The following KIF13A variants were observed in gnomAD, a reference collection of about 807,000 sequenced individuals.
KIF13A encodes the protein kinesin-like protein KIF13A.
A neutral mutation model predicts 212.2 loss-of-function variants in KIF13A; 79 were observed. The observed-to-expected ratio is 0.37, with a 90% CI of 0.31 to 0.45. KIF13A has a LOEUF of 0.45. Among genes scored for constraint, KIF13A ranks in the 20% least tolerant of loss-of-function variants. The pLI, the probability that KIF13A is intolerant of heterozygous loss-of-function variation, is 1.00. For synonymous variants in KIF13A, 789 were observed against 808.6 expected (o/e 0.98, Z 0.41); for missense variants, 1,901 against 2,209.0 (o/e 0.86, Z 2.79).
chr6:17,834,192 T>C lies in KIF13A; in HGVS notation c.1156-121A>G. 2 of 608,158 alleles carry C rather than the reference T, an allele frequency of 3.3e-6. No homozygotes were observed. The highest frequency in any genetic ancestry group is 3.2e-5 in the East Asian group (1 of 31,482). The allele number at this position is 608,158 out of a possible 1,614,324, so 37.7% of individuals were successfully genotyped here. A position where few individuals can be genotyped will look rare whatever the true frequency, so the allele number is the denominator to read the frequency against. ...GTCTGTTGGAAAAAATTAAGTTATA[T>C]GCTGTTAGGGTGGGTTTTTAACCTT... On this transcript the variant is annotated intron_variant, in intron 11 of 38. Coordinates refer to ENST00000259711, the MANE Select transcript of KIF13A (RefSeq NM_022113.6). This position sits in a 1 kb window ranked among gnomAD's most constrained non-coding sequence, Gnocchi z 4.0.
intron 2 of KIF13A, among the ~76,000 whole-genome samples, chr6:17,901,923 G>A (rs1199432447): frequency 6.6e-6 from 1 of 152,148 alleles, no homozygotes; most frequent in Non-Finnish European, 1.5e-5. Context: ...CTTGAACTCA[G>A]GAGGCAGAGG....
At chr6:17,766,485 G>C (rs920252273) in intron 38 of KIF13A, among the ~76,000 whole-genome samples, 2 of 152,070 alleles carry the variant, frequency 1.3e-5, no homozygotes, top group Non-Finnish European at 2.9e-5. Context: ...TGATCTGCCC[G>C]TCTCAGCCTC....
intron 3 of KIF13A, among the ~76,000 whole-genome samples, chr6:17,894,355 A>C (rs1384639791): frequency 6.6e-6 from 1 of 150,480 alleles, no homozygotes; most frequent in African/African-American, 2.4e-5. Context: ...CTAGTCTCAA[A>C]CAATCCTCCC....
rs935033387 is a variant in KIF13A at position 17,825,482 on chromosome 6, C to T, written c.1786+286G>A. The stretch of plus-strand genomic sequence containing the variant: ...TGAGAAATTTGGTAAGGAATTTTGT[C>T]AAAATCATTCAGTACTCTAGGCCCG... On this transcript the variant is annotated intron_variant, in intron 16 of 38. Coordinates refer to ENST00000259711, the MANE Select transcript of KIF13A (RefSeq NM_022113.6). The surrounding 1 kb of genome is among the most constrained non-coding windows in gnomAD (Gnocchi z 4.5). Among the ~76,000 whole-genome samples the T allele has an allele frequency of 6.6e-6, 1 of 152,040 alleles. No individual in the cohort carries two copies. Among genetic ancestry groups the T allele is most frequent in the Non-Finnish European group, 1.5e-5 (1 of 68,016 alleles).
At position 17,816,031 on chromosome 6, in the gene KIF13A, C is replaced by A. The variant is rs1467628638; in HGVS notation, c.2000+989G>T. Reference sequence around the variant, plus strand: ...CAAGCGATTCTCCTGCCTCAGCCTCCCAAGTAGCTGGGATTACAGGCGCCT... The same window carrying A: ...CAAGCGATTCTCCTGCCTCAGCCTCACAAGTAGCTGGGATTACAGGCGCCT... On this transcript the variant is annotated intron_variant, in intron 17 of 38. Coordinates refer to ENST00000259711, the MANE Select transcript of KIF13A (RefSeq NM_022113.6). The surrounding 1 kb of genome is among the most constrained non-coding windows in gnomAD (Gnocchi z 4.3). 6.6e-6 allele frequency among the ~76,000 whole-genome samples: 1 copy of A among 151,884 alleles called. No homozygotes were observed. Among genetic ancestry groups the A allele is most frequent in the Non-Finnish European group, 1.5e-5 (1 of 67,980 alleles).
chr6:17,792,930 C>T (rs578072174), intron 25 of KIF13A, among the ~76,000 whole-genome samples: 4 of 152,246 alleles, frequency 2.6e-5, no homozygotes, highest in South Asian at 2.1e-4. Flanking sequence ...GTTTTCTCCT[C>T]GGCACGATAG....
At chr6:17,905,080 C>T (rs12213256) in intron 2 of KIF13A, among the ~76,000 whole-genome samples, 15,944 of 152,290 alleles carry the variant, frequency 0.1, 1,161 homozygotes, top group African/African-American at 0.18. Context: ...TGCAGCCCAA[C>T]ACAAATTTGC....
At chr6:17,924,061 T>C (rs1031013780) in intron 2 of KIF13A, among the ~76,000 whole-genome samples, 1 of 152,204 alleles carries the variant, frequency 6.6e-6, no homozygotes, top group Non-Finnish European at 1.5e-5. Flanking sequence ...AGGTTAAAAA[T>C]ACATATGTAC....
chr6:17,920,100 T>C (rs1774919516), intron 2 of KIF13A, among the ~76,000 whole-genome samples: 1 of 152,164 alleles, frequency 6.6e-6, no homozygotes, highest in African/African-American at 2.4e-5. Flanking sequence ...TTACATGTAG[T>C]TTTCGTCCCA....
intron 38 of KIF13A, among the ~76,000 whole-genome samples, chr6:17,766,531 C>A (rs1473791289): frequency 2.0e-5 from 3 of 152,016 alleles, no homozygotes; most frequent in South Asian, 2.1e-4. Flanking sequence ...AGACACCGTG[C>A]CCGGCTAGGA....
rs1774875378 is a variant in KIF13A, at chr6:17,919,681, G to A, written c.147-21501C>T. Reference sequence around the variant, plus strand: ...GTTTTCCAGCACACACAGCAGATACGACAGCTAACAAGCAGGGCTGTGAGA... The same window carrying A: ...GTTTTCCAGCACACACAGCAGATACAACAGCTAACAAGCAGGGCTGTGAGA... On this transcript the variant is annotated intron_variant, in intron 2 of 38. Coordinates refer to ENST00000259711, the MANE Select transcript of KIF13A (RefSeq NM_022113.6). The surrounding 1 kb of genome is among the most constrained non-coding windows in gnomAD (Gnocchi z 4.1). Among the ~76,000 whole-genome samples the A allele has an allele frequency of 6.6e-6, 1 of 152,122 alleles. No homozygotes were observed.
At position 17,799,675 on chromosome 6, in the gene KIF13A, C is replaced by T. The variant is rs1762323998; in HGVS notation, c.2617-236G>A. Among the ~76,000 whole-genome samples the T allele has an allele frequency of 6.6e-6, 1 of 152,156 alleles. No homozygotes were observed. The highest frequency in any genetic ancestry group is 6.6e-5 in the Admixed American group (1 of 15,264). On this transcript the variant is annotated intron_variant, in intron 21 of 38. Transcript: ENST00000259711. This position sits in a 1 kb window ranked among gnomAD's most constrained non-coding sequence, Gnocchi z 4.4. ...AATACACACATTCCTGCAAAAGCTT[C>T]CTAATGACTGAGATGCAACCTTTAA... is the stretch of plus-strand genomic sequence containing the variant.
At chr6:17,943,957 T>C (rs1777165694) in intron 2 of KIF13A, among the ~76,000 whole-genome samples, 1 of 152,180 alleles carries the variant, frequency 6.6e-6, no homozygotes, top group Admixed American at 6.5e-5. Context: ...CTTATAACTT[T>C]TCTGCATCTA....
downstream of KIF13A, among the ~76,000 whole-genome samples, chr6:17,761,330 C>G (rs1020588332): frequency 6.6e-6 from 1 of 152,144 alleles, no homozygotes; most frequent in Non-Finnish European, 1.5e-5. Flanking sequence ...TCTTCCTGCT[C>G]TGGTCTCCCC....
At position 17,985,992 on chromosome 6, in the gene KIF13A, C is replaced by G. The variant is rs569427615; in HGVS notation, c.146+1062G>C. 5.3e-5 allele frequency among the ~76,000 whole-genome samples: 8 copies of G among 152,298 alleles called. No homozygotes were observed. The South Asian group carries it at 1.7e-3, about 32-fold the overall frequency. On this transcript the variant is annotated intron_variant, in intron 2 of 38. Coordinates refer to ENST00000259711, the MANE Select transcript of KIF13A (RefSeq NM_022113.6). Reference sequence around the variant, plus strand: ...TCATGATTTCTTTCCCCAAATTTGGCAAAACTGAGCTTGAACACCACACAT... The same window carrying G: ...TCATGATTTCTTTCCCCAAATTTGGGAAAACTGAGCTTGAACACCACACAT...
At chr6:17,841,896 C>T (rs374888071) in intron 9 of KIF13A, among the ~76,000 whole-genome samples, 4 of 151,708 alleles carry the variant, frequency 2.6e-5, no homozygotes, top group African/African-American at 7.3e-5. Context: ...GAAAGTTCAA[C>T]GTCTGAAAGG....
chr6:17,881,140 C>G (rs1038514627), intron 3 of KIF13A, among the ~76,000 whole-genome samples: 2 of 152,112 alleles, frequency 1.3e-5, no homozygotes, highest in African/African-American at 4.8e-5. Flanking sequence ...TTCTCAGAAT[C>G]CCACTCCTTC....
At chr6:17,795,803 G>C (rs564346408) in intron 23 of KIF13A, among the ~76,000 whole-genome samples, 21 of 152,210 alleles carry the variant, frequency 1.4e-4, no homozygotes, top group African/African-American at 5.1e-4. Context: ...TTTTAATTTT[G>C]ATTAAGTCCA....
rs376653662 is a variant in KIF13A at position 17,799,936 on chromosome 6, A to G, written c.2616+16T>C. The G allele has an allele frequency of 1.2e-6, 2 of 1,612,042 alleles. No homozygotes were observed. Among genetic ancestry groups the G allele is most frequent in the African/African-American group, 1.3e-5 (1 of 74,988 alleles). On this transcript the variant is annotated intron_variant, in intron 21 of 38. Coordinates refer to ENST00000259711, the MANE Select transcript of KIF13A (RefSeq NM_022113.6). This position sits in a 1 kb window ranked among gnomAD's most constrained non-coding sequence, Gnocchi z 4.4. ...AAAAGGTCATTTATATGAGCCTCCC[A>G]TCACTGTCCTCTCACCCGACATGTC...
Sources: gnomAD v4.1 joint callset for allele counts (sites outside exome capture counted in the v4.1 genomes callset) on GRCh38, gnomAD v4.1.1 for gene constraint, Gnocchi (gnomAD v3.1) non-coding constraint, MANE v1.5 for transcripts, NCBI Gene and HGNC (gene_info 2026-07-23, HGNC 2026-07-21) for gene names.